The following VAV3 variants were observed in gnomAD, a reference collection of about 807,000 sequenced individuals.
The protein encoded by VAV3 is vav guanine nucleotide exchange factor 3, also known as guanine nucleotide exchange factor VAV3.
A neutral mutation model predicts 131.2 loss-of-function variants in VAV3; 94 were observed. The ratio of observed to expected loss-of-function variants is 0.72; its 90% CI spans 0.61 to 0.85. VAV3 has a LOEUF of 0.85. VAV3 is among the 40% of genes least tolerant of loss of function. The pLI, the probability that VAV3 is intolerant of heterozygous loss-of-function variation, is 0.00. For synonymous variants in VAV3, 349 were observed against 342.0 expected (o/e 1.02, Z -0.22); for missense variants, 939 against 1,002.7 (o/e 0.94, Z 0.86).
intron 2 of VAV3, among the ~76,000 whole-genome samples, chr1:107,871,608 T>C (rs1332684): frequency 0.066 from 10,112 of 152,122 alleles, 457 homozygotes; most frequent in East Asian, 0.21. Flanking sequence ...ATTCTAAGAA[T>C]AAAGGTAGCA....
rs1657580945 is a variant in VAV3 at position 107,668,781 on chromosome 1, C to T, written c.1777+14707G>A. The T allele has an allele frequency of 3.0e-6, 3 of 984,348 alleles. No homozygotes were observed. In the African/African-American group the frequency reaches 5.2e-5, roughly 17 times the overall value. 61.0% of individuals were successfully genotyped at this position (984,348 alleles called of 1,614,324 possible). On this transcript the variant is annotated intron_variant, in intron 19 of 26. Coordinates refer to ENST00000370056, the MANE Select transcript of VAV3 (RefSeq NM_006113.5). ...GTGTTTCAGTATGAATTTCTAATGT[C>T]TAACATTAACTTTAGCTTATATTTT... is the stretch of plus-strand genomic sequence containing the variant.
At chr1:107,859,079 T>C (rs1669615293) in intron 2 of VAV3, among the ~76,000 whole-genome samples, 1 of 151,734 alleles carries the variant, frequency 6.6e-6, no homozygotes, top group South Asian at 2.1e-4. Flanking sequence ...AGGAGTTTTT[T>C]TTTTTTTTTC....
At chr1:107,769,338 A>G (rs1047125813) in intron 6 of VAV3, among the ~76,000 whole-genome samples, 3 of 152,242 alleles carry the variant, frequency 2.0e-5, no homozygotes, top group Non-Finnish European at 4.4e-5. Context: ...AAGCATGGAC[A>G]TTACCGATCG....
intron 2 of VAV3, among the ~76,000 whole-genome samples, chr1:107,799,842 C>A (rs1410505309): frequency 1.3e-5 from 2 of 151,914 alleles, no homozygotes; most frequent in East Asian, 3.9e-4. Context: ...CTCTTCATCC[C>A]TCCCTCCCTC....
intron 2 of VAV3, among the ~76,000 whole-genome samples, chr1:107,810,844 G>T (rs1158436683): frequency 6.6e-6 from 1 of 151,948 alleles, no homozygotes; most frequent in Non-Finnish European, 1.5e-5. Context: ...ATACGCGACA[G>T]GACCAGTTGT....
At chr1:107,586,321 T>C (rs115561834) in intron 25 of VAV3, among the ~76,000 whole-genome samples, 1,933 of 152,270 alleles carry the variant, frequency 0.013, 44 homozygotes, top group African/African-American at 0.044. Flanking sequence ...AGGCTCTCAA[T>C]TAAGATCTGT....
chr1:107,916,054 C>A (rs1338276426), intron 1 of VAV3, among the ~76,000 whole-genome samples: 1 of 152,124 alleles, frequency 6.6e-6, no homozygotes, highest in Non-Finnish European at 1.5e-5. Flanking sequence ...AAGTGACAAT[C>A]ATCAATTACT....
intron 19 of VAV3, among the ~76,000 whole-genome samples, chr1:107,669,627 C>T (rs1380410099): frequency 6.6e-6 from 1 of 152,018 alleles, no homozygotes; most frequent in African/African-American, 2.4e-5. Flanking sequence ...TTTGTTTTTC[C>T]TATTTATGAT....
chr1:107,783,959 C>T (rs1289256420), intron 2 of VAV3, among the ~76,000 whole-genome samples: 1 of 151,236 alleles, frequency 6.6e-6, no homozygotes, highest in Non-Finnish European at 1.5e-5. Flanking sequence ...ACTTGGGAGG[C>T]TGAGGCAGGA....
At chr1:107,856,010 C>G (rs1669449871) in intron 2 of VAV3, among the ~76,000 whole-genome samples, 1 of 152,174 alleles carries the variant, frequency 6.6e-6, no homozygotes, top group African/African-American at 2.4e-5. Context: ...GCAGAGGCAG[C>G]TAGGAAGCAA....
intron 24 of VAV3, among the ~76,000 whole-genome samples, chr1:107,598,238 C>G (rs2101081369): frequency 6.6e-6 from 1 of 152,186 alleles, no homozygotes; most frequent in Non-Finnish European, 1.5e-5. Flanking sequence ...TGCCTGTGAT[C>G]CCAGCTACTT....
At chr1:107,942,719 T>A (rs1377528209) in intron 1 of VAV3, among the ~76,000 whole-genome samples, 2 of 152,190 alleles carry the variant, frequency 1.3e-5, no homozygotes, top group African/African-American at 4.8e-5. Flanking sequence ...GAAAACCTGA[T>A]CTCTAGAATC....
At chr1:107,807,729 A>G (rs1180926898) in intron 2 of VAV3, among the ~76,000 whole-genome samples, 4 of 152,292 alleles carry the variant, frequency 2.6e-5, no homozygotes, top group Admixed American at 1.3e-4. Flanking sequence ...ATCCATATAC[A>G]TCTTTGACCT....
At chr1:107,912,957 C>T (rs1672437949) in intron 1 of VAV3, among the ~76,000 whole-genome samples, 2 of 152,212 alleles carry the variant, frequency 1.3e-5, no homozygotes, top group South Asian at 4.1e-4. Context: ...AGGAAGTCAA[C>T]ATGCCTATTT....
intron 12 of VAV3, among the ~76,000 whole-genome samples, chr1:107,751,922 A>AC (rs1663752904): frequency 6.6e-6 from 1 of 152,242 alleles, no homozygotes; most frequent in South Asian, 2.1e-4. Flanking sequence ...GATTAACACT[A>AC]TAAATATAAA....
intron 11 of VAV3, among the ~76,000 whole-genome samples, chr1:107,756,266 TTTTC>T (rs1194346268): frequency 6.6e-6 from 1 of 152,198 alleles, no homozygotes; most frequent in Admixed American, 6.5e-5. Context: ...GATTTTCCTG[TTTTC>T]TGAGCTCTTT....
At chr1:107,712,589 C>G (rs1660851074) in intron 15 of VAV3, among the ~76,000 whole-genome samples, 1 of 152,074 alleles carries the variant, frequency 6.6e-6, no homozygotes, top group African/African-American at 2.4e-5. Flanking sequence ...ATGTAAAAGT[C>G]TTGAAGGGGA....
chr1:107,959,444 T>G (rs1674976066), intron 1 of VAV3, among the ~76,000 whole-genome samples: 1 of 152,136 alleles, frequency 6.6e-6, no homozygotes, highest in South Asian at 2.1e-4. Context: ...CAAATCTGTT[T>G]TTGTCAAGGT....
intron 1 of VAV3, among the ~76,000 whole-genome samples, chr1:107,946,347 G>T (rs1674260473): frequency 6.6e-6 from 1 of 152,138 alleles, no homozygotes; most frequent in Non-Finnish European, 1.5e-5. Flanking sequence ...GATTGAGAGG[G>T]GTTAAGTAAT....
Sources: allele counts gnomAD v4.1 joint callset (sites outside exome capture counted in the v4.1 genomes callset), GRCh38; gene constraint gnomAD v4.1.1; transcripts MANE v1.5; gene names NCBI Gene and HGNC (gene_info 2026-07-23, HGNC 2026-07-21).